ESRRG: variants seen among roughly 807,000 people sequenced by gnomAD.
The protein encoded by ESRRG is estrogen related receptor gamma, also known as estrogen-related receptor gamma.
In ESRRG, 13 loss-of-function variants were observed where a neutral mutation model predicts 44.0. That is an observed-to-expected ratio of 0.30 (90% CI 0.19 to 0.47). The LOEUF is 0.47. Ranked by LOEUF, ESRRG falls within the 20% of genes least tolerant of loss-of-function variation. ESRRG has a pLI of 1.00. For missense variants in ESRRG, 395 were observed against 580.6 expected (o/e 0.68, Z 3.29); for synonymous variants, 215 against 214.6 (o/e 1.00, Z -0.02).
chr1:216,654,132 A>C (rs1300092821), intron 2 of ESRRG, among the ~76,000 whole-genome samples: 1 of 133,564 alleles, frequency 7.5e-6, no homozygotes, highest in East Asian at 2.0e-4. Flanking sequence ...CCACCCTCCA[A>C]AAAAAAAAAA....
chr1:216,538,084 A>T (rs1365850502), intron 5 of ESRRG, among the ~76,000 whole-genome samples: 2 of 152,034 alleles, frequency 1.3e-5, no homozygotes, highest in Non-Finnish European at 2.9e-5. Flanking sequence ...TAATAACCTC[A>T]AACAGAGAGG....
chr1:216,917,989 T>C (rs2061395711), intron 2 of ESRRG, among the ~76,000 whole-genome samples: 1 of 152,200 alleles, frequency 6.6e-6, no homozygotes, highest in African/African-American at 2.4e-5. Flanking sequence ...ATGTAATCCA[T>C]ATGTCTCTGA....
intron 5 of ESRRG, among the ~76,000 whole-genome samples, chr1:216,545,799 C>CT (rs1321142189): frequency 2.6e-5 from 4 of 151,956 alleles, no homozygotes; most frequent in African/African-American, 9.7e-5. Flanking sequence ...TCCCTGGCCA[C>CT]TTTTTAGAGT....
intron 1 of ESRRG, among the ~76,000 whole-genome samples, chr1:217,034,402 G>A (rs142401821): frequency 3.4e-3 from 515 of 152,204 alleles, no homozygotes; most frequent in African/African-American, 0.012. Flanking sequence ...TTTGAGACAC[G>A]TTCTTTTGAA....
At chr1:216,606,135 C>T (rs1366790961) in intron 3 of ESRRG, among the ~76,000 whole-genome samples, 1 of 152,200 alleles carries the variant, frequency 6.6e-6, no homozygotes, top group Non-Finnish European at 1.5e-5. Context: ...ACTGCCCACC[C>T]CCAACCCCAA....
intron 2 of ESRRG, among the ~76,000 whole-genome samples, chr1:216,783,105 G>A (rs1253918751): frequency 1.3e-5 from 2 of 151,944 alleles, no homozygotes; most frequent in African/African-American, 4.8e-5. Flanking sequence ...CACGGTGGCT[G>A]GGATTCCATG....
intron 3 of ESRRG, among the ~76,000 whole-genome samples, chr1:216,596,606 A>G (rs2058484000): frequency 6.6e-6 from 1 of 152,170 alleles, no homozygotes. Flanking sequence ...AAACATTTGC[A>G]TTCACTTTGG....
chr1:216,744,623 T>G (rs1374102762), intron 2 of ESRRG, among the ~76,000 whole-genome samples: 1 of 152,194 alleles, frequency 6.6e-6, no homozygotes. Context: ...TTTTAAGAAA[T>G]GCACACACAT....
intron 2 of ESRRG, among the ~76,000 whole-genome samples, chr1:216,870,719 C>T (rs2096248285): frequency 6.6e-6 from 1 of 151,924 alleles, no homozygotes; most frequent in African/African-American, 2.4e-5. Flanking sequence ...CTTGGTAGTA[C>T]TTCATGATTT....
At chr1:217,131,264 A>G (rs1239979867) in intron 1 of ESRRG, among the ~76,000 whole-genome samples, 2 of 152,208 alleles carry the variant, frequency 1.3e-5, no homozygotes. Context: ...TTTATCTTTT[A>G]TGACATGTCT....
intron 1 of ESRRG, among the ~76,000 whole-genome samples, chr1:217,125,227 C>T (rs1308404033): frequency 6.6e-6 from 1 of 152,150 alleles, no homozygotes; most frequent in Non-Finnish European, 1.5e-5. Flanking sequence ...TGTACTGGGC[C>T]TTCCAGGGGT....
chr1:217,037,980 G>T (rs1450253125), intron 1 of ESRRG, among the ~76,000 whole-genome samples: 2 of 152,176 alleles, frequency 1.3e-5, no homozygotes, highest in Admixed American at 1.3e-4. Context: ...CAAAAGGGGG[G>T]TTCTCATAGT....
intron 3 of ESRRG, among the ~76,000 whole-genome samples, chr1:216,591,358 G>A (rs370346949): frequency 6.6e-6 from 1 of 152,194 alleles, no homozygotes; most frequent in African/African-American, 2.4e-5. Flanking sequence ...GCCAGAGAGA[G>A]CATGGAAGCT....
chr1:216,519,043 T>G (rs1373949583), intron 6 of ESRRG, 109 bp downstream of exon 6: 1 of 896,960 alleles, frequency 1.1e-6, no homozygotes, highest in African/African-American at 1.7e-5. Flanking sequence ...TTTTGCTGAC[T>G]CATACAAAAT....
rs142737384 is a variant in ESRRG, at chr1:216,666,206, C to G, written c.472+10870G>C. ...ACAACTAGTTACCAAGCAAAAGTGA[C>G]CCACATCAATAGGAACTTCTGACAA... On this transcript the variant is annotated intron_variant, in intron 2 of 6. Coordinates refer to ENST00000408911, the MANE Select transcript of ESRRG (RefSeq NM_001438.4). 9.2e-4 allele frequency among the ~76,000 whole-genome samples: 140 copies of G among 152,268 alleles called. 1 individual carries two copies. Among genetic ancestry groups the G allele is most frequent in the African/African-American group, 3.3e-3 (136 of 41,560 alleles).
At chr1:216,900,046 C>A (rs569753681) in intron 2 of ESRRG, among the ~76,000 whole-genome samples, 5 of 152,282 alleles carry the variant, frequency 3.3e-5, no homozygotes, top group African/African-American at 1.2e-4. Flanking sequence ...GTAAATTCAA[C>A]AGTTTTGTCG....
chr1:216,641,694 G>A (rs2066464821), intron 3 of ESRRG, among the ~76,000 whole-genome samples: 1 of 152,164 alleles, frequency 6.6e-6, no homozygotes, highest in South Asian at 2.1e-4. Context: ...CAAAAACACA[G>A]ACCCCTAAAT....
intron 2 of ESRRG, among the ~76,000 whole-genome samples, chr1:216,781,441 C>A (rs888545820): frequency 6.6e-6 from 1 of 151,970 alleles, no homozygotes; most frequent in African/African-American, 2.4e-5. Context: ...AAATTCTTCC[C>A]ATTTCTCAAC....
At chr1:217,011,572 A>T (rs954678060) in intron 1 of ESRRG, among the ~76,000 whole-genome samples, 2 of 150,930 alleles carry the variant, frequency 1.3e-5, no homozygotes, top group African/African-American at 4.9e-5. Flanking sequence ...CCAAGGAAAT[A>T]AAAAAAACTT....
Sources: allele counts gnomAD v4.1 joint callset (sites outside exome capture counted in the v4.1 genomes callset), GRCh38; gene constraint gnomAD v4.1.1; transcripts MANE v1.5; gene names NCBI Gene and HGNC (gene_info 2026-07-23, HGNC 2026-07-21).